WNT2: variants seen among roughly 807,000 people sequenced by gnomAD.
WNT2 encodes the protein protein Wnt-2.
A neutral mutation model predicts 36.9 loss-of-function variants in WNT2; 12 were observed. That is an observed-to-expected ratio of 0.33 (90% CI 0.21 to 0.53). The LOEUF (loss-of-function observed/expected upper bound fraction) is 0.53. Among genes scored for constraint, WNT2 ranks in the 20% least tolerant of loss-of-function variants. WNT2 has a pLI of 0.95. For synonymous variants in WNT2, 163 were observed against 174.6 expected (o/e 0.93, Z 0.52); for missense variants, 379 against 473.1 (o/e 0.80, Z 1.84).
intron 3 of WNT2, among the ~76,000 whole-genome samples, chr7:117,299,517 G>A (rs1441963754): frequency 1.4e-5 from 2 of 140,500 alleles, no homozygotes; most frequent in South Asian, 4.4e-4. Context: ...TTTTGAGACA[G>A]AATCTCACCC....
intron 3 of WNT2, 123 bp from the exon 4 acceptor site, chr7:117,297,999 G>A (rs1318959972): frequency 3.8e-6 from 5 of 1,328,696 alleles, no homozygotes; most frequent in Non-Finnish European, 5.1e-6. Flanking sequence ...GCAAGTGACT[G>A]GGAAATGTTG....
At chr7:117,280,657 A>G (rs1419771800) in intron 4 of WNT2, among the ~76,000 whole-genome samples, 1 of 152,202 alleles carries the variant, frequency 6.6e-6, no homozygotes, top group African/African-American at 2.4e-5. Context: ...TTTGCCATGT[A>G]TCAACTGTGT....
At chr7:117,321,225 G>A (rs1795320257) in intron 1 of WNT2, among the ~76,000 whole-genome samples, 1 of 152,198 alleles carries the variant, frequency 6.6e-6, no homozygotes, top group South Asian at 2.1e-4. Flanking sequence ...GACCTTAGAA[G>A]CTCTTCGTTC....
At chr7:117,290,962 T>C (rs1039795296) in intron 4 of WNT2, among the ~76,000 whole-genome samples, 9 of 152,254 alleles carry the variant, frequency 5.9e-5, no homozygotes, top group African/African-American at 1.9e-4. Context: ...TGCTATTGGC[T>C]GACATATTTT....
Position 117,322,885 on chromosome 7 carries a change from G to A in WNT2, c.83+22C>T, listed in dbSNP as rs760337735. The stretch of plus-strand genomic sequence containing the variant: ...CCCATTCCGATCTCCAAAATCCCCC[G>A]CGCCCGTGCGCGTGGACTTACCACC... On this transcript the variant is annotated intron_variant, in intron 1 of 4. Transcript: ENST00000265441. The surrounding 1 kb of genome is among the most constrained non-coding windows in gnomAD (Gnocchi z 5.4). 5 of 1,598,006 alleles carry A rather than the reference G, an allele frequency of 3.1e-6. No homozygotes were observed. Among genetic ancestry groups the A allele is most frequent in the Non-Finnish European group, 3.4e-6 (4 of 1,169,528 alleles).
At chr7:117,309,691 G>C (rs935275101) in intron 3 of WNT2, among the ~76,000 whole-genome samples, 3 of 152,054 alleles carry the variant, frequency 2.0e-5, no homozygotes, top group African/African-American at 4.8e-5. Flanking sequence ...TCAAGTATTA[G>C]AGCCAGTTTT....
intron 3 of WNT2, among the ~76,000 whole-genome samples, chr7:117,312,900 C>A (rs1375244619): frequency 6.6e-6 from 1 of 152,176 alleles, no homozygotes; most frequent in Non-Finnish European, 1.5e-5. Context: ...CTAAACAGAG[C>A]AATCTTAGAA....
At chr7:117,282,799 AG>A (rs1414653338) in intron 4 of WNT2, among the ~76,000 whole-genome samples, 1 of 152,130 alleles carries the variant, frequency 6.6e-6, no homozygotes, top group Non-Finnish European at 1.5e-5. Flanking sequence ...AATGAAGTGG[AG>A]GGGGCTGGAG....
intron 2 of WNT2, among the ~76,000 whole-genome samples, chr7:117,318,104 G>T (rs941651375): frequency 1.3e-5 from 2 of 152,102 alleles, no homozygotes. Flanking sequence ...AGTCAAACAG[G>T]CAAATGTTCT....
At chr7:117,280,204 C>T (rs921355598) in intron 4 of WNT2, among the ~76,000 whole-genome samples, 2 of 152,148 alleles carry the variant, frequency 1.3e-5, no homozygotes, top group Non-Finnish European at 2.9e-5. Context: ...TCCGAGCCTG[C>T]ATCGTGCTGA....
At chr7:117,300,087 C>G (rs1348789213) in intron 3 of WNT2, among the ~76,000 whole-genome samples, 1 of 152,060 alleles carries the variant, frequency 6.6e-6, no homozygotes, top group Non-Finnish European at 1.5e-5. Flanking sequence ...AACTTTTTTC[C>G]AGCTTGGAGC....
At chr7:117,307,579 T>A (rs1795038201) in intron 3 of WNT2, among the ~76,000 whole-genome samples, 2 of 152,206 alleles carry the variant, frequency 1.3e-5, no homozygotes, top group African/African-American at 4.8e-5. Flanking sequence ...CTAATTATAG[T>A]CTAAAAGGAA....
chr7:117,317,941 T>G lies in WNT2; in HGVS notation c.311-2593A>C, dbSNP rs543229495. On this transcript the variant is annotated intron_variant, in intron 2 of 4. Coordinates refer to ENST00000265441, the MANE Select transcript of WNT2 (RefSeq NM_003391.3). ...TAATTACCTTTGTGTTTTCTAAGGC[T>G]AATTCTAGAATTTTGGAGGTGTATT... is the stretch of plus-strand genomic sequence containing the variant. 7.9e-5 allele frequency among the ~76,000 whole-genome samples: 12 copies of G among 152,356 alleles called. No individual in the cohort carries two copies. In the East Asian group the frequency reaches 1.5e-3, roughly 20 times the overall value.
chr7:117,317,069 C>T (rs1016740366), intron 2 of WNT2, among the ~76,000 whole-genome samples: 5 of 152,124 alleles, frequency 3.3e-5, no homozygotes, highest in African/African-American at 1.2e-4. Flanking sequence ...GAAGCCGGCG[C>T]CCATGTTTAG....
chr7:117,300,834 A>G (rs1312323818), intron 3 of WNT2: 1 of 152,202 alleles, frequency 6.6e-6, no homozygotes, highest in African/African-American at 2.4e-5. Flanking sequence ...GAGTCACATA[A>G]GAAGAAATAC....
intron 2 of WNT2, 138 bp from the exon 3 acceptor site, chr7:117,315,486 G>A (rs1795199855): frequency 1.1e-6 from 1 of 923,390 alleles, no homozygotes; most frequent in South Asian, 1.8e-5. Flanking sequence ...TTCTTGAAGG[G>A]TTCTTTTCTA....
chr7:117,315,335 A>G lies in WNT2; in HGVS notation c.324T>C (p.Ser108=), dbSNP rs1015061321. The part of the protein sequence containing the change: ...GRVLLRSSRE[S]AFVYAISSAG... Reference sequence around the variant, plus strand: ...CTGAGGAGATGGCATAAACAAAGGCAGATTCCCGACTACCTGAAACAAAAA... The same window carrying G: ...CTGAGGAGATGGCATAAACAAAGGCGGATTCCCGACTACCTGAAACAAAAA... Residue 108 remains serine (S), a synonymous_variant, in exon 3 of 5, where the codon TCT becomes TCC. Transcript: ENST00000265441. The G allele has an allele frequency of 1.2e-6, 2 of 1,612,772 alleles. No homozygotes were observed. The highest frequency in any genetic ancestry group is 2.2e-5 in the South Asian group (2 of 90,844).
At chr7:117,303,287 A>G (rs752843636) in intron 3 of WNT2, among the ~76,000 whole-genome samples, 1 of 152,230 alleles carries the variant, frequency 6.6e-6, no homozygotes, top group Non-Finnish European at 1.5e-5. Flanking sequence ...AGAAGCTGGC[A>G]TTACATTTCT....
At chr7:117,303,025 C>A (rs536629015) in intron 3 of WNT2, among the ~76,000 whole-genome samples, 1 of 152,156 alleles carries the variant, frequency 6.6e-6, no homozygotes, top group African/African-American at 2.4e-5. Flanking sequence ...AGGTGTCACT[C>A]CTGGCTACAT....
Sources: gnomAD v4.1 joint callset for allele counts (sites outside exome capture counted in the v4.1 genomes callset) on GRCh38, gnomAD v4.1.1 for gene constraint, Gnocchi (gnomAD v3.1) non-coding constraint, MANE v1.5 for transcripts, NCBI Gene and HGNC (gene_info 2026-07-23, HGNC 2026-07-21) for gene names.